The following TAFA2 variants were observed in gnomAD, a reference collection of about 807,000 sequenced individuals.
The protein encoded by TAFA2 is TAFA chemokine like family member 2, also known as chemokine-like protein TAFA-2.
In TAFA2, 7 loss-of-function variants were observed where a neutral mutation model predicts 18.8. The ratio of observed to expected loss-of-function variants is 0.37; its 90% confidence interval spans 0.21 to 0.70. TAFA2 has a LOEUF of 0.70. Ranked by LOEUF, TAFA2 falls within the 30% of genes least tolerant of loss-of-function variation. TAFA2 has a pLI of 0.53. For missense variants in TAFA2, 122 were observed against 158.1 expected (o/e 0.77, Z 1.23); for synonymous variants, 60 against 54.2 (o/e 1.11, Z -0.47).
chr12:61,710,402 T>C lies in TAFA2; in HGVS notation c.*4A>G. The C allele has an allele frequency of 6.2e-7, 1 of 1,608,668 alleles. No homozygotes were observed. The highest frequency in any genetic ancestry group is 1.1e-5 in the South Asian group (1 of 90,930). ...GCCTTGAGGATCACTTGATTTCTCCTGGGTTAATGGGTTACCTACAAAGGA... is the reference window on the plus strand; with the variant it reads ...GCCTTGAGGATCACTTGATTTCTCCCGGGTTAATGGGTTACCTACAAAGGA... On this transcript the variant is annotated 3_prime_UTR_variant, in exon 5 of 5. Coordinates refer to ENST00000416284, the MANE Select transcript of TAFA2 (RefSeq NM_178539.5).
intron 1 of TAFA2, among the ~76,000 whole-genome samples, chr12:61,971,909 T>C (rs1482923560): frequency 6.6e-6 from 1 of 151,780 alleles, no homozygotes; most frequent in Non-Finnish European, 1.5e-5. Context: ...TGATACTGGC[T>C]TAACAATAAA....
At chr12:62,051,756 A>G (rs1257356105) in intron 1 of TAFA2, among the ~76,000 whole-genome samples, 1 of 151,842 alleles carries the variant, frequency 6.6e-6, no homozygotes, top group Non-Finnish European at 1.5e-5. Flanking sequence ...GGGGGCACTA[A>G]GTAAATGGAT....
chr12:61,983,408 T>A (rs941079920), intron 1 of TAFA2, among the ~76,000 whole-genome samples: 5 of 151,826 alleles, frequency 3.3e-5, no homozygotes, highest in Admixed American at 2.6e-4. Flanking sequence ...TTTTGTTTTG[T>A]TTTGTTTTGT....
At chr12:62,166,085 TG>T (rs1355342411) in intron 1 of TAFA2, among the ~76,000 whole-genome samples, 1 of 152,138 alleles carries the variant, frequency 6.6e-6, no homozygotes, top group Non-Finnish European at 1.5e-5. Context: ...AATCCCTCTG[TG>T]AAGAAACACA....
chr12:61,807,362 G>A (rs563332867), intron 2 of TAFA2, among the ~76,000 whole-genome samples: 1 of 151,494 alleles, frequency 6.6e-6, no homozygotes, highest in East Asian at 1.9e-4. Flanking sequence ...TTGAAGTTTG[G>A]GAACCTCTGC....
chr12:62,187,007 G>A (rs1460810256), intron 1 of TAFA2, among the ~76,000 whole-genome samples: 1 of 152,060 alleles, frequency 6.6e-6, no homozygotes, highest in Non-Finnish European at 1.5e-5. Context: ...ACATAAATTT[G>A]GAGTATGATA....
intron 2 of TAFA2, among the ~76,000 whole-genome samples, chr12:61,840,550 A>G (rs1298535799): frequency 6.6e-6 from 1 of 152,100 alleles, no homozygotes; most frequent in African/African-American, 2.4e-5. Context: ...AGAATAGACA[A>G]TATGCCACAC....
At chr12:61,980,984 G>T (rs2136676408) in intron 1 of TAFA2, among the ~76,000 whole-genome samples, 1 of 152,230 alleles carries the variant, frequency 6.6e-6, no homozygotes, top group African/African-American at 2.4e-5. Flanking sequence ...AACCAAAAAA[G>T]AGCCTGCATT....
At chr12:62,241,297 C>T (rs900960315) in intron 1 of TAFA2, among the ~76,000 whole-genome samples, 1 of 152,094 alleles carries the variant, frequency 6.6e-6, no homozygotes, top group African/African-American at 2.4e-5. Context: ...TCTTTTGATG[C>T]CATAAAACTA....
chr12:61,804,709 G>T (rs1334169909), intron 2 of TAFA2, among the ~76,000 whole-genome samples: 1 of 151,888 alleles, frequency 6.6e-6, no homozygotes, highest in East Asian at 1.9e-4. Context: ...GCACTTTCTG[G>T]CTCCCATTAT....
intron 2 of TAFA2, among the ~76,000 whole-genome samples, chr12:61,851,479 T>A (rs1214792005): frequency 6.6e-6 from 1 of 152,044 alleles, no homozygotes; most frequent in African/African-American, 2.4e-5. Flanking sequence ...TTACAAGTTT[T>A]AAATTTAAGA....
At chr12:61,909,749 C>T (rs1201787909) in intron 1 of TAFA2, among the ~76,000 whole-genome samples, 1 of 152,084 alleles carries the variant, frequency 6.6e-6, no homozygotes, top group Non-Finnish European at 1.5e-5. Context: ...CTAGTTTTTC[C>T]ACAAATTAAG....
intron 2 of TAFA2, among the ~76,000 whole-genome samples, chr12:61,823,114 C>A (rs1452597618): frequency 6.6e-6 from 1 of 152,102 alleles, no homozygotes. Flanking sequence ...TTAAAAGAAT[C>A]TTTTAGTTTT....
At chr12:61,995,991 A>G (rs1880174450) in intron 1 of TAFA2, among the ~76,000 whole-genome samples, 1 of 152,116 alleles carries the variant, frequency 6.6e-6, no homozygotes, top group Admixed American at 6.6e-5. Context: ...CTCCCCCACA[A>G]AAAGACAATT....
chr12:61,733,903 G>A (rs1164317900), intron 4 of TAFA2, among the ~76,000 whole-genome samples: 4 of 149,904 alleles, frequency 2.7e-5, no homozygotes, highest in African/African-American at 9.9e-5. Context: ...TCCTACCCAT[G>A]AGCATGGAAT....
At chr12:62,184,098 C>T (rs765661514) in intron 1 of TAFA2, among the ~76,000 whole-genome samples, 10 of 152,190 alleles carry the variant, frequency 6.6e-5, no homozygotes, top group Non-Finnish European at 4.4e-5. Flanking sequence ...TCTTCATCAT[C>T]TCCATCTCAA....
At chr12:62,144,179 T>G (rs963206915) in intron 1 of TAFA2, among the ~76,000 whole-genome samples, 1 of 151,760 alleles carries the variant, frequency 6.6e-6, no homozygotes, top group Non-Finnish European at 1.5e-5. Context: ...TTAAGTAAGA[T>G]CTGTGTGTCC....
intron 1 of TAFA2, among the ~76,000 whole-genome samples, chr12:62,115,561 A>T (rs1003614389): frequency 6.6e-6 from 1 of 152,096 alleles, no homozygotes; most frequent in Admixed American, 6.6e-5. Flanking sequence ...CACTTTTTGT[A>T]TATTTATGTT....
intron 1 of TAFA2, among the ~76,000 whole-genome samples, chr12:62,144,730 C>T (rs1177695290): frequency 6.6e-6 from 1 of 152,144 alleles, no homozygotes; most frequent in Admixed American, 6.5e-5. Context: ...TAAGTAGAAC[C>T]CAACCTATGT....
Sources: allele counts gnomAD v4.1 joint callset (sites outside exome capture counted in the v4.1 genomes callset), GRCh38; gene constraint gnomAD v4.1.1; transcripts MANE v1.5; gene names NCBI Gene and HGNC (gene_info 2026-07-23, HGNC 2026-07-21).